RAB11FIP1: variants seen among roughly 807,000 people sequenced by gnomAD.
RAB11FIP1 encodes the protein rab11 family-interacting protein 1.
In RAB11FIP1, 49 loss-of-function variants were observed where a neutral mutation model predicts 83.1. That is an observed-to-expected ratio of 0.59 (90% CI 0.47 to 0.75). RAB11FIP1 has a LOEUF of 0.75. RAB11FIP1 is among the 30% of genes least tolerant of loss of function. RAB11FIP1 has a pLI of 0.00. For synonymous variants in RAB11FIP1, 670 were observed against 656.0 expected (o/e 1.02, Z -0.33); for missense variants, 1,536 against 1,598.7 (o/e 0.96, Z 0.67).
At chr8:37,893,274 C>T (rs1806987401) in intron 1 of RAB11FIP1, among the ~76,000 whole-genome samples, 1 of 151,698 alleles carries the variant, frequency 6.6e-6, no homozygotes, top group South Asian at 2.1e-4. Context: ...AGGATTTCAC[C>T]ATGTTGGCCA....
In RAB11FIP1 at chr8:37,872,608, G is replaced by A; in HGVS notation, c.2194C>T (p.Leu732Phe). 3 of 1,614,220 alleles carry A rather than the reference G, an allele frequency of 1.9e-6. No individual in the cohort carries two copies. Among genetic ancestry groups the A allele is most frequent in the Non-Finnish European group, 1.7e-6 (2 of 1,180,038 alleles). The change falls in exon 4 of 6, where the codon CTC becomes TTC. Residue 732 changes from leucine (L) to phenylalanine (F), a missense_variant. Transcript: ENST00000330843. Reference sequence around the variant, plus strand: ...GGGCTCACAGCTCCATCACTGCTGAGTGAAAGGGCAAACGGTACTTCCTGG... The same window carrying A: ...GGGCTCACAGCTCCATCACTGCTGAATGAAAGGGCAAACGGTACTTCCTGG... ...EAQEVPFALS[L>F]SSDGAVSPVG...
intron 5 of RAB11FIP1, among the ~76,000 whole-genome samples, chr8:37,864,539 T>C (rs1284463020): frequency 6.6e-6 from 1 of 152,122 alleles, no homozygotes; most frequent in East Asian, 1.9e-4. Context: ...AGTGACATGA[T>C]AGGAGCCCCA....
Position 37,899,197 on chromosome 8 carries a change from G to A in RAB11FIP1, c.245C>T (p.Pro82Leu). The A allele has an allele frequency of 1.9e-6, 3 of 1,569,106 alleles. No homozygotes were observed. The highest frequency in any genetic ancestry group is 1.4e-5 in the African/African-American group (1 of 73,750). Reference sequence around the variant, plus strand: ...GAGCTGCAGGGTGGCGGCGGCCGCGGGTCCGGAGGACAGCAGCGATGGCAG... The same window carrying A: ...GAGCTGCAGGGTGGCGGCGGCCGCGAGTCCGGAGGACAGCAGCGATGGCAG... ...FELPSLLSSG[P>L]AAAATLQLTV... The change falls in exon 1 of 6, where the codon CCC becomes CTC. Residue 82 changes from proline (P) to leucine (L), a missense_variant. By Grantham distance (98) the Pro-to-Leu change is moderately conservative. Transcript: ENST00000330843. The surrounding 1 kb of genome is among the most constrained non-coding windows in gnomAD (Gnocchi z 4.5).
In RAB11FIP1 at chr8:37,863,129, A is replaced by C. The variant is rs115499937; in HGVS notation, c.3634-16T>G. ...GGCTGTATTTCTTTGGAGGGGGGGA[A>C]ATAGTTGGGAAAAAGGAGTTATAAA... On this transcript the variant is annotated splice_polypyrimidine_tract_variant and intron_variant, in intron 5 of 5. Transcript: ENST00000330843. The C allele has an allele frequency of 1.2e-3, 1,923 of 1,599,086 alleles. 22 individuals carry two copies. In the African/African-American group the frequency reaches 0.022, roughly 18 times the overall value.
At position 37,872,940 on chromosome 8, in the gene RAB11FIP1, C is replaced by T. The variant is rs769033196; in HGVS notation, c.1862G>A (p.Gly621Asp). ...PIESWPLVDR[G>D]QAKSEGPPLL... ...GGGTGGTCCTTCAGACTTGGCCTGG[C>T]CCCTGTCTACGAGAGGCCAGCTTTC... The change falls in exon 4 of 6, where the codon GGC becomes GAC. Residue 621 changes from glycine (G) to aspartate (D), a missense_variant. Physicochemically the swap from Gly to Asp is moderately conservative, Grantham distance 94 (BLOSUM62 -1). Coordinates refer to ENST00000330843, the MANE Select transcript of RAB11FIP1 (RefSeq NM_001002814.3). 6 of 1,614,172 alleles carry T rather than the reference C, an allele frequency of 3.7e-6. No individual in the cohort carries two copies. The highest frequency in any genetic ancestry group is 5.1e-6 in the Non-Finnish European group (6 of 1,180,030).
rs11407439 is a variant in RAB11FIP1, at chr8:37,865,315, CT to C, written c.3634-2203del. 7.1e-4 allele frequency among the ~76,000 whole-genome samples: 102 copies of C among 142,930 alleles called. 3 individuals are homozygous for C. The East Asian group carries it at 0.013, about 19-fold the overall frequency. 93.8% of individuals were successfully genotyped at this position (142,930 alleles called of 152,430 possible). ...GGGTCTCTTTATTTTTCCTGGGATT[CT>C]TTTTTTTTTTTTTCTTTTTTTGAGA... is the stretch of plus-strand genomic sequence containing the variant. On this transcript the variant is annotated intron_variant, in intron 5 of 5. Transcript: ENST00000330843.
At position 37,873,558 on chromosome 8, in the gene RAB11FIP1, A is replaced by G. The variant is rs1291520072; in HGVS notation, c.1623-379T>C. ...GAGGTGGAGGTTGCAGTGAGTTGAG[A>G]TCGTGCCACTGCACTCCAGCCTGGG... On this transcript the variant is annotated intron_variant, in intron 3 of 5. Transcript: ENST00000330843. Among the ~76,000 whole-genome samples the G allele has an allele frequency of 4.6e-5, 7 of 152,170 alleles. No homozygotes were observed. In the East Asian group the frequency reaches 1.4e-3, roughly 29 times the overall value.
At position 37,872,123 on chromosome 8, in the gene RAB11FIP1, A is replaced by T. The variant is rs1806480457; in HGVS notation, c.2679T>A (p.Ser893Arg). 2 of 1,613,512 alleles carry T rather than the reference A, an allele frequency of 1.2e-6. No individual in the cohort carries two copies. The highest frequency in any genetic ancestry group is 1.7e-6 in the Non-Finnish European group (2 of 1,179,904). Residue 893 changes from serine to arginine, a missense_variant, in exon 4 of 6, where the codon AGT becomes AGA. By Grantham distance (110) the Ser-to-Arg change is moderately radical (BLOSUM62 -1). Transcript: ENST00000330843. ...DHLLLPSQEESFSEVPMSEAS... is the reference protein window; with the variant it reads ...DHLLLPSQEERFSEVPMSEAS... ...CTTCACTCATGGGGACTTCGGAGAA[A>T]CTCTCCTCCTGGGAGGGGAGGAGGA... is the stretch of plus-strand genomic sequence containing the variant.
Position 37,872,358 on chromosome 8 carries a change from A to C in RAB11FIP1, c.2444T>G (p.Leu815Arg), listed in dbSNP as rs1237854957. Reference protein sequence around the residue: ...TKKRVSFSEQLFTEEAVAGAA... With the variant: ...TKKRVSFSEQRFTEEAVAGAA... ...CCCCGCCACTGCCTCTTCCGTGAAG[A>C]GCTGCTCAGAAAATGACACACGCTT... Residue 815 changes from leucine (L) to arginine (R), a missense_variant, in exon 4 of 6, where the codon CTC becomes CGC. Coordinates refer to ENST00000330843, the MANE Select transcript of RAB11FIP1 (RefSeq NM_001002814.3). 6 of 1,614,156 alleles carry C rather than the reference A, an allele frequency of 3.7e-6. No individual in the cohort carries two copies. In the South Asian group the frequency reaches 4.4e-5, roughly 12 times the overall value.
intron 5 of RAB11FIP1, among the ~76,000 whole-genome samples, chr8:37,866,866 G>T (rs969135294): frequency 2.6e-5 from 4 of 152,126 alleles, no homozygotes; most frequent in Non-Finnish European, 5.9e-5. Context: ...TCCAGGAAAC[G>T]TCCCGTATTT....
Position 37,899,279 on chromosome 8 carries a change from A to C in RAB11FIP1, c.163T>G (p.Ser55Ala). The C allele has an allele frequency of 6.2e-7, 1 of 1,608,410 alleles. No individual in the cohort carries two copies. Among genetic ancestry groups the C allele is most frequent in the Non-Finnish European group, 8.5e-7 (1 of 1,178,662 alleles). ...GCGCCCAGGCTGCGCTCCGACACGG[A>C]GGTGGCGTACTTCTCCTTGCCCACC... ...IQVGKEKYAT[S>A]VSERSLGAPV... Residue 55 changes from serine (S) to alanine (A), a missense_variant, in exon 1 of 6, where the codon TCC becomes GCC. Transcript: ENST00000330843. This position sits in a 1 kb window ranked among gnomAD's most constrained non-coding sequence, Gnocchi z 4.5.
At chr8:37,896,332 T>C (rs1807090742) in intron 1 of RAB11FIP1, among the ~76,000 whole-genome samples, 1 of 151,914 alleles carries the variant, frequency 6.6e-6, no homozygotes, top group African/African-American at 2.4e-5. Flanking sequence ...AATTCCACCT[T>C]TCAATGCATA....
intron 1 of RAB11FIP1, among the ~76,000 whole-genome samples, chr8:37,892,727 T>C (rs115793776): frequency 0.025 from 3,781 of 152,236 alleles, 139 homozygotes; most frequent in African/African-American, 0.084. Flanking sequence ...TGTAAGCCAC[T>C]GTGCCCAGCC....
At chr8:37,880,579 C>A (rs187494564) in intron 1 of RAB11FIP1, among the ~76,000 whole-genome samples, 81 of 152,200 alleles carry the variant, frequency 5.3e-4, no homozygotes, top group Admixed American at 1.2e-3. Flanking sequence ...CAGGCATAAG[C>A]CACCAAGCGT....
rs1806585855 is a variant in RAB11FIP1 at position 37,875,328 on chromosome 8, G to A, written c.815-6C>T. The stretch of plus-strand genomic sequence containing the variant: ...TGTTCTCTTGTGAGACATGACTTTG[G>A]GAAGAAAAAGAACAGAAAGGGGATA... On this transcript the variant is annotated splice_region_variant and splice_polypyrimidine_tract_variant and intron_variant, in intron 2 of 5. Transcript: ENST00000330843. 6.2e-7 allele frequency: 1 copy of A among 1,601,094 alleles called. No homozygotes were observed. The highest frequency in any genetic ancestry group is 1.4e-5 in the African/African-American group (1 of 73,988).
Position 37,862,787 on chromosome 8 carries a change from TG to T in RAB11FIP1, c.*107del. On this transcript the variant is annotated 3_prime_UTR_variant, in exon 6 of 6. Coordinates refer to ENST00000330843, the MANE Select transcript of RAB11FIP1 (RefSeq NM_001002814.3). ...CTTGCCGGATAACATGTGAGGGAGA[TG>T]GTGATTCGGAGCCTGCTGGCTGGTT... 1.3e-6 allele frequency: 1 copy of T among 770,246 alleles called. No homozygotes were observed. Among genetic ancestry groups the T allele is most frequent in the Non-Finnish European group, 2.2e-6 (1 of 459,924 alleles). 47.7% of individuals were successfully genotyped at this position (770,246 alleles called of 1,614,324 possible).
intron 1 of RAB11FIP1, among the ~76,000 whole-genome samples, chr8:37,888,512 T>C (rs1309638516): frequency 6.6e-6 from 1 of 152,096 alleles, no homozygotes; most frequent in Non-Finnish European, 1.5e-5. Context: ...TCAGACGGGC[T>C]CTGTTGCCCA....
intron 1 of RAB11FIP1, among the ~76,000 whole-genome samples, chr8:37,883,896 T>C (rs111662947): frequency 0.013 from 2,034 of 152,266 alleles, 43 homozygotes; most frequent in African/African-American, 0.045. Context: ...CAAGTTTATT[T>C]TTAAGCCCAT....
In RAB11FIP1 at chr8:37,861,189, TAA is replaced by T. The variant is rs76238618; in HGVS notation, c.*1704_*1705del. The stretch of plus-strand genomic sequence containing the variant: ...CTAAGAAGGAAGCAAGTGCCCTAGT[TAA>T]AAAAAAAAAAAGTCTATAAATCTAG... On this transcript the variant is annotated 3_prime_UTR_variant, in exon 6 of 6. Coordinates refer to ENST00000330843, the MANE Select transcript of RAB11FIP1 (RefSeq NM_001002814.3). 6.3e-5 allele frequency: 9 copies of T among 142,114 alleles called. No homozygotes were observed. The highest frequency in any genetic ancestry group is 4.4e-4 in the South Asian group (2 of 4,550). 8.8% of individuals were successfully genotyped at this position (142,114 alleles called of 1,614,324 possible). A position where few individuals can be genotyped will look rare whatever the true frequency, so the allele number is the denominator to read the frequency against.
Sources: gnomAD v4.1 joint callset for allele counts (sites outside exome capture counted in the v4.1 genomes callset) on GRCh38, gnomAD v4.1.1 for gene constraint, Gnocchi (gnomAD v3.1) non-coding constraint, MANE v1.5 for transcripts, NCBI Gene and HGNC (gene_info 2026-07-23, HGNC 2026-07-21) for gene names.